Variants in WARS2 observed in about 807,000 individuals in gnomAD.
WARS2 encodes tryptophanyl tRNA synthetase 2, mitochondrial, also known as tryptophan--tRNA ligase, mitochondrial.
WARS2 carries 28 observed loss-of-function variants against 36.5 expected under a neutral mutation model. That is an observed-to-expected ratio of 0.77 (90% CI 0.57 to 1.05). The LOEUF (loss-of-function observed/expected upper bound fraction) is 1.05. Among genes scored for constraint, WARS2 ranks in the 50% least tolerant of loss-of-function variants. WARS2 has a pLI of 0.00. For synonymous variants in WARS2, 174 were observed against 178.4 expected (o/e 0.98, Z 0.20); for missense variants, 435 against 456.8 (o/e 0.95, Z 0.44).
At chr1:119,092,226 C>T (rs1448811812) in intron 1 of WARS2, among the ~76,000 whole-genome samples, 7 of 152,132 alleles carry the variant, frequency 4.6e-5, no homozygotes, top group Non-Finnish European at 5.9e-5. Context: ...AGTTGTTTGC[C>T]TACCTAACTT....
intron 1 of WARS2, chr1:119,085,993 C>CA: frequency 2.5e-6 from 4 of 1,600,062 alleles, no homozygotes; most frequent in Non-Finnish European, 3.4e-6. Context: ...TATCAGTGCC[C>CA]AGGCAAGGCA....
intron 1 of WARS2, among the ~76,000 whole-genome samples, chr1:119,105,070 C>G (rs1232888329): frequency 6.6e-6 from 1 of 152,120 alleles, no homozygotes; most frequent in African/African-American, 2.4e-5. Flanking sequence ...CAGAGGTAAG[C>G]AGCAGCAGTG....
chr1:119,033,384 C>T (rs141097104), intron 5 of WARS2, 25 bp from the exon 6 acceptor site: 553 of 1,612,544 alleles, frequency 3.4e-4, no homozygotes, highest in Non-Finnish European at 4.3e-4. Flanking sequence ...CCAACACACA[C>T]ATACCCAAAA....
chr1:119,085,774 C>G, intron 1 of WARS2: 2 of 1,601,812 alleles, frequency 1.2e-6, no homozygotes, highest in Non-Finnish European at 1.7e-6. Flanking sequence ...TTAACAATCT[C>G]CCCATACTGT....
In WARS2 at chr1:119,076,262, C is replaced by G; in HGVS notation, c.348+88G>C. 5 of 1,488,406 alleles carry G rather than the reference C, an allele frequency of 3.4e-6. 1 individual carries two copies. The South Asian group carries it at 6.7e-5, about 20-fold the overall frequency. The allele number at this position is 1,488,406 out of a possible 1,614,324, so 92.2% of individuals were successfully genotyped here. On this transcript the variant is annotated intron_variant, in intron 2 of 5. Transcript: ENST00000235521. Reference sequence around the variant, plus strand: ...ACCTTCAAACACTTTTTAAAAATCACGAGCAGGGGCTGTATGAACCATTCA... The same window carrying G: ...ACCTTCAAACACTTTTTAAAAATCAGGAGCAGGGGCTGTATGAACCATTCA...
chr1:119,130,404 TA>T (rs1168149249), intron 1 of WARS2, among the ~76,000 whole-genome samples: 7 of 152,178 alleles, frequency 4.6e-5, no homozygotes, highest in African/African-American at 1.4e-4. Flanking sequence ...TGGCAAATCC[TA>T]GTATAATTAG....
At chr1:119,059,041 G>GC (rs1200958489) in intron 2 of WARS2, among the ~76,000 whole-genome samples, 1 of 151,934 alleles carries the variant, frequency 6.6e-6, no homozygotes, top group Non-Finnish European at 1.5e-5. Flanking sequence ...GTTTTGATTT[G>GC]CATTTCTCTG....
chr1:119,076,566 T>G lies in WARS2; in HGVS notation c.132A>C (p.Thr44=). 6.2e-7 allele frequency: 1 copy of G among 1,614,172 alleles called. No homozygotes were observed. ...GGTAATTGCCCAGGTGGAGGATTCCTGTAGGTTGAATGCCGGAAAATACTC... is the reference window on the plus strand; with the variant it reads ...GGTAATTGCCCAGGTGGAGGATTCCGGTAGGTTGAATGCCGGAAAATACTC... ...KKRVFSGIQP[T]GILHLGNYLG... Residue 44 remains threonine, a synonymous_variant, in exon 2 of 6, where the codon ACA becomes ACC. Coordinates refer to ENST00000235521, the MANE Select transcript of WARS2 (RefSeq NM_015836.4).
At chr1:119,137,144 A>C (rs1474537826) in intron 1 of WARS2, among the ~76,000 whole-genome samples, 1 of 152,242 alleles carries the variant, frequency 6.6e-6, no homozygotes, top group African/African-American at 2.4e-5. Context: ...GTCTGTAGCT[A>C]AATTACTATT....
chr1:119,115,578 T>G (rs985935733), intron 1 of WARS2, among the ~76,000 whole-genome samples: 2 of 152,188 alleles, frequency 1.3e-5, no homozygotes, highest in Non-Finnish European at 2.9e-5. Context: ...TTCAACAGTT[T>G]CAGGGCTAAC....
intron 1 of WARS2, among the ~76,000 whole-genome samples, chr1:119,087,292 A>G (rs1467556928): frequency 2.0e-5 from 3 of 152,130 alleles, no homozygotes; most frequent in Non-Finnish European, 2.9e-5. Context: ...TGGTCCCCTT[A>G]TAAATGTTAA....
At chr1:119,059,875 G>C (rs535700844) in intron 2 of WARS2, among the ~76,000 whole-genome samples, 16 of 152,240 alleles carry the variant, frequency 1.1e-4, no homozygotes, top group African/African-American at 3.9e-4. Context: ...TATAGGTGGG[G>C]ACTAAATGAT....
intron 4 of WARS2, among the ~76,000 whole-genome samples, chr1:119,036,003 G>A (rs910427109): frequency 2.6e-5 from 4 of 152,132 alleles, no homozygotes; most frequent in African/African-American, 4.8e-5. Flanking sequence ...TCGGGAGTTC[G>A]AGACTAGCCT....
intron 2 of WARS2, among the ~76,000 whole-genome samples, chr1:119,070,767 T>A (rs1485872146): frequency 2.0e-5 from 3 of 151,688 alleles, no homozygotes; most frequent in Non-Finnish European, 4.4e-5. Flanking sequence ...ATAAATAAAA[T>A]AGTTTCCTAA....
intron 1 of WARS2, chr1:119,086,004 G>C: frequency 6.3e-7 from 1 of 1,585,664 alleles, no homozygotes; most frequent in South Asian, 1.1e-5. Context: ...AGGCAAGGCA[G>C]TGTGGCACAT....
intron 2 of WARS2, among the ~76,000 whole-genome samples, chr1:119,055,536 G>A (rs1649707062): frequency 6.6e-6 from 1 of 152,120 alleles, no homozygotes; most frequent in African/African-American, 2.4e-5. Flanking sequence ...CAGCTACTTG[G>A]GAGGCTGAGG....
At chr1:119,104,729 A>C (rs1654115564) in intron 1 of WARS2, among the ~76,000 whole-genome samples, 1 of 151,446 alleles carries the variant, frequency 6.6e-6, no homozygotes, top group Non-Finnish European at 1.5e-5. Flanking sequence ...ACTTTTACCT[A>C]AATAATATAG....
At chr1:119,054,656 T>A (rs1649627775) in intron 2 of WARS2, among the ~76,000 whole-genome samples, 1 of 152,142 alleles carries the variant, frequency 6.6e-6, no homozygotes, top group Admixed American at 6.5e-5. Context: ...AGCCCAAATG[T>A]CCATTATAAG....
intron 1 of WARS2, among the ~76,000 whole-genome samples, chr1:119,116,158 A>G (rs918459328): frequency 2.0e-5 from 3 of 152,202 alleles, no homozygotes; most frequent in African/African-American, 7.2e-5. Context: ...AGAAATACCT[A>G]ATTATTCACA....
Sources: gnomAD v4.1 joint callset for allele counts (sites outside exome capture counted in the v4.1 genomes callset) on GRCh38, gnomAD v4.1.1 for gene constraint, MANE v1.5 for transcripts, NCBI Gene and HGNC (gene_info 2026-07-23, HGNC 2026-07-21) for gene names.